The following LTN1 variants were observed in gnomAD, a reference collection of about 807,000 sequenced individuals.
The protein encoded by LTN1 is listerin E3 ubiquitin protein ligase 1.
In LTN1, 88 loss-of-function variants were observed where a neutral mutation model predicts 201.2. The ratio of observed to expected loss-of-function variants is 0.44; its 90% CI spans 0.37 to 0.52. The LOEUF (loss-of-function observed/expected upper bound fraction) is 0.52. Ranked by LOEUF, LTN1 falls within the 20% of genes least tolerant of loss-of-function variation. The pLI, the probability that LTN1 is intolerant of heterozygous loss-of-function variation, is 0.00. For synonymous variants in LTN1, 645 were observed against 713.5 expected (o/e 0.90, Z 1.53); for missense variants, 1,752 against 2,038.7 (o/e 0.86, Z 2.71).
chr21:28,956,261 G>A (rs1377815678), intron 16 of LTN1, among the ~76,000 whole-genome samples: 5 of 152,140 alleles, frequency 3.3e-5, no homozygotes, highest in Non-Finnish European at 7.4e-5. Flanking sequence ...ATAACTAGAA[G>A]ATTTGAAATG....
rs1174628834 is a variant in LTN1, at chr21:28,984,880, C to T, written c.388G>A (p.Glu130Lys). ...RVREATQQAF[E>K]KLILKVKKQL... Reference sequence around the variant, plus strand: ...TTCTTTACTTTAAGGATAAGTTTTTCAAAAGCTTGTTGTGTGGCTTCTCGG... The same window carrying T: ...TTCTTTACTTTAAGGATAAGTTTTTTAAAAGCTTGTTGTGTGGCTTCTCGG... Residue 130 changes from glutamate (E) to lysine (K), a missense_variant, in exon 4 of 30, where the codon GAA becomes AAA. Transcript: ENST00000361371. The T allele has an allele frequency of 1.2e-6, 2 of 1,613,946 alleles. No homozygotes were observed. Among genetic ancestry groups the T allele is most frequent in the Admixed American group, 3.3e-5 (2 of 59,996 alleles).
chr21:28,966,343 G>C, intron 10 of LTN1, 27 bp downstream of exon 10: 1 of 1,529,768 alleles, frequency 6.5e-7, no homozygotes, highest in East Asian at 2.3e-5. Flanking sequence ...TATTCAAATA[G>C]TTTGAAAAGA....
chr21:28,966,584 T>C lies in LTN1; in HGVS notation c.1907A>G (p.Asp636Gly). 6.2e-7 allele frequency: 1 copy of C among 1,614,124 alleles called. No individual in the cohort carries two copies. The highest frequency in any genetic ancestry group is 8.5e-7 in the Non-Finnish European group (1 of 1,180,014). ...GGCTTGGACAATACTCTGTTTTTCATCACCAAGTAGCATTTTAAATACTCG... is the reference window on the plus strand; with the variant it reads ...GGCTTGGACAATACTCTGTTTTTCACCACCAAGTAGCATTTTAAATACTCG... ...SSRVFKMLLGDEKQSIVQAKP... is the reference protein window; with the variant it reads ...SSRVFKMLLGGEKQSIVQAKP... The change falls in exon 10 of 30, where the codon GAT becomes GGT. Residue 636 changes from aspartate (D) to glycine (G), a missense_variant. By Grantham distance (94) the Asp-to-Gly change is moderately conservative. Around this residue, in one of 3 missense-constraint regions of LTN1, gnomAD observed 1,211 missense variants for 1,312.8 expected, o/e 0.92. Coordinates refer to ENST00000361371, the MANE Select transcript of LTN1 (RefSeq NM_015565.3).
At chr21:28,976,513 T>G (rs2084616115) in intron 6 of LTN1, among the ~76,000 whole-genome samples, 2 of 148,800 alleles carry the variant, frequency 1.3e-5, no homozygotes, top group African/African-American at 5.0e-5. Flanking sequence ...GGCAGGAGAA[T>G]CACTTGAACC....
At chr21:28,954,958 G>A (rs1230988496) in intron 16 of LTN1, among the ~76,000 whole-genome samples, 1 of 152,140 alleles carries the variant, frequency 6.6e-6, no homozygotes, top group Admixed American at 6.6e-5. Context: ...AAAGCTTTCT[G>A]CACAGCAAAA....
chr21:28,943,689 C>T lies in LTN1; in HGVS notation c.4198G>A (p.Ala1400Thr). Residue 1400 changes from alanine (A) to threonine (T), a missense_variant, in exon 23 of 30, where the codon GCT (alanine) becomes ACT (threonine). By Grantham distance (58) the Ala-to-Thr change is moderately conservative. This residue lies in a region of LTN1 where 1,211 missense variants were observed against 1,312.8 expected (regional missense o/e 0.92). Coordinates refer to ENST00000361371, the MANE Select transcript of LTN1 (RefSeq NM_015565.3). ...LLFRARPVQI[A>T]VYHMLYKLMP... ...TACTTGTATAGCATATGATAAACAG[C>T]AATTTGCACAGGCCTAGCTCTGAAG... 6.2e-7 allele frequency: 1 copy of T among 1,610,438 alleles called. No homozygotes were observed. Among genetic ancestry groups the T allele is most frequent in the South Asian group, 1.1e-5 (1 of 90,982 alleles).
intron 7 of LTN1, 58 bp downstream of exon 7, chr21:28,971,213 G>T: frequency 7.4e-7 from 1 of 1,346,792 alleles, no homozygotes; most frequent in South Asian, 1.6e-5. Flanking sequence ...GTAAGTTTTG[G>T]ATATTCTTAT....
intron 12 of LTN1, 23 bp from the exon 13 acceptor site, chr21:28,959,720 A>G: frequency 6.5e-7 from 1 of 1,541,810 alleles, no homozygotes. Flanking sequence ...AGGTTCAAAC[A>G]GACAAAAAAT....
At chr21:28,931,358 GATAACC>G (rs1568829138) in intron 28 of LTN1, 36 bp from the exon 29 acceptor site, 1 of 1,190,498 alleles carries the variant, frequency 8.4e-7, no homozygotes, top group Non-Finnish European at 1.2e-6. Flanking sequence ...ACTACACACT[GATAACC>G]ACCAATTTTA....
intron 27 of LTN1, among the ~76,000 whole-genome samples, chr21:28,933,264 C>T (rs997607477): frequency 2.6e-5 from 4 of 152,236 alleles, no homozygotes; most frequent in Admixed American, 2.6e-4. Flanking sequence ...ATCACTAGCA[C>T]AAAATCTCTC....
In LTN1 at chr21:28,960,670, G is replaced by T. The variant is rs750223681; in HGVS notation, c.2200C>A (p.Pro734Thr). The T allele has an allele frequency of 6.2e-7, 1 of 1,613,894 alleles. No individual in the cohort carries two copies. Among genetic ancestry groups the T allele is most frequent in the Non-Finnish European group, 8.5e-7 (1 of 1,179,918 alleles). ...CCAAGGATATCGCCTTTGAGCCAAG[G>T]AGTTACTAAAGCATGTTTATCTGAA... is the stretch of plus-strand genomic sequence containing the variant. ...PSSDKHALVT[P>T]WLKGDILGEK... The change falls in exon 12 of 30, where the codon CCT becomes ACT. Residue 734 changes from proline to threonine, a missense_variant. Pro to Thr is a conservative substitution (Grantham distance 38). This residue lies in a region of LTN1 where 1,211 missense variants were observed against 1,312.8 expected (regional missense o/e 0.92). Coordinates refer to ENST00000361371, the MANE Select transcript of LTN1 (RefSeq NM_015565.3).
intron 23 of LTN1, 112 bp from the exon 24 acceptor site, chr21:28,943,448 T>G (rs1480003976): frequency 1.4e-6 from 1 of 724,364 alleles, no homozygotes; most frequent in Non-Finnish European, 2.3e-6. Context: ...TTTTAATGAG[T>G]TTTCTTTAAA....
intron 13 of LTN1, 193 bp downstream of exon 13, chr21:28,959,265 T>C (rs1218328644): frequency 1.8e-6 from 1 of 559,686 alleles, no homozygotes; most frequent in Non-Finnish European, 3.0e-6. Flanking sequence ...GTGAGATCTT[T>C]AGAAATAACA....
At chr21:28,943,458 A>G in intron 23 of LTN1, 122 bp from the exon 24 acceptor site, 1 of 698,624 alleles carries the variant, frequency 1.4e-6, no homozygotes, top group Non-Finnish European at 2.4e-6. Flanking sequence ...TTTTCTTTAA[A>G]ATAACTACTA....
chr21:28,934,560 C>T lies in LTN1; in HGVS notation c.4875+549G>A, dbSNP rs576533006. The stretch of plus-strand genomic sequence containing the variant: ...GAAGTGCTGACTCCCATTTGCCTTC[C>T]GCCATGATTGTAAGTTTCTGAGTAG... On this transcript the variant is annotated intron_variant, in intron 27 of 29. Transcript: ENST00000361371. Among the ~76,000 whole-genome samples, 28 of 152,206 alleles carry T rather than the reference C, an allele frequency of 1.8e-4. No homozygotes were observed. The South Asian group carries it at 5.6e-3, about 30-fold the overall frequency.
At position 28,986,446 on chromosome 21, in the gene LTN1, A is replaced by G. The variant is rs1167639070; in HGVS notation, c.247-209T>C. On this transcript the variant is annotated intron_variant, in intron 2 of 29. Coordinates refer to ENST00000361371, the MANE Select transcript of LTN1 (RefSeq NM_015565.3). The surrounding 1 kb of genome is among the most constrained non-coding windows in gnomAD (Gnocchi z 4.1). ...TTTTAAAAATAAAACATCTACAAAC[A>G]AAAAAACCTCATTTAAAGTTACAAG... 1.5e-6 allele frequency: 1 copy of G among 675,774 alleles called. No homozygotes were observed. Among genetic ancestry groups the G allele is most frequent in the African/African-American group, 1.8e-5 (1 of 56,180 alleles). The allele number at this position is 675,774 out of a possible 1,614,324, so 41.9% of individuals were successfully genotyped here. A position where few individuals can be genotyped will look rare whatever the true frequency, so the allele number is the denominator to read the frequency against.
Position 28,986,984 on chromosome 21 carries a change from A to C in LTN1, c.43-50T>G. 1 of 1,254,588 alleles carries C rather than the reference A, an allele frequency of 8.0e-7. No homozygotes were observed. The highest frequency in any genetic ancestry group is 1.2e-6 in the Non-Finnish European group (1 of 859,138). 77.7% of individuals were successfully genotyped at this position (1,254,588 alleles called of 1,614,324 possible). A position where few individuals can be genotyped will look rare whatever the true frequency, so the allele number is the denominator to read the frequency against. On this transcript the variant is annotated intron_variant, in intron 1 of 29. Transcript: ENST00000361371. This position sits in a 1 kb window ranked among gnomAD's most constrained non-coding sequence, Gnocchi z 4.1. ...AAGTCAGAGTCCAGGAAGGGTTCAAAACTTAACTTTATAATTCCTTGGCTA... is the reference window on the plus strand; with the variant it reads ...AAGTCAGAGTCCAGGAAGGGTTCAACACTTAACTTTATAATTCCTTGGCTA...
chr21:28,932,818 G>A (rs539277782), intron 27 of LTN1, among the ~76,000 whole-genome samples, 154 bp from the exon 28 acceptor site: 115 of 152,264 alleles, frequency 7.6e-4, no homozygotes, highest in African/African-American at 2.4e-3. Context: ...TAAGAAATAC[G>A]TTTAAATACC....
At chr21:28,973,715 C>T (rs1041579859) in intron 6 of LTN1, among the ~76,000 whole-genome samples, 3 of 152,024 alleles carry the variant, frequency 2.0e-5, no homozygotes, top group Non-Finnish European at 4.4e-5. Context: ...AAACATTATT[C>T]TAGAATGCAA....
Sources: allele counts gnomAD v4.1 joint callset (sites outside exome capture counted in the v4.1 genomes callset), GRCh38; gene constraint gnomAD v4.1.1; regional missense constraint gnomAD v4.1.1; non-coding constraint Gnocchi (gnomAD v3.1); transcripts MANE v1.5; gene names NCBI Gene and HGNC (gene_info 2026-07-23, HGNC 2026-07-21).